Variants in PBX1 observed in about 807,000 individuals in gnomAD.
The protein encoded by PBX1 is PBX homeobox 1, also known as pre-B-cell leukemia transcription factor 1.
PBX1 carries 6 observed loss-of-function variants against 53.4 expected under a neutral mutation model. The observed-to-expected ratio is 0.11, with a 90% CI of 0.06 to 0.22. The LOEUF is 0.22. PBX1 is among the 10% of genes least tolerant of loss of function. PBX1 has a pLI of 1.00. For synonymous variants in PBX1, 204 were observed against 212.3 expected, an observed-to-expected ratio of 0.96 and a Z score of 0.34; for missense variants, 251 against 551.4, an observed-to-expected ratio of 0.46 and a Z score of 5.46.
intron 8 of PBX1, among the ~76,000 whole-genome samples, chr1:164,834,015 G>GTA (rs1271391961): frequency 3.0e-4 from 40 of 131,542 alleles, no homozygotes; most frequent in African/African-American, 9.3e-4. Flanking sequence ...CTGGATATGG[G>GTA]TATATATATG....
chr1:164,696,451 T>A (rs1018589616), intron 2 of PBX1, among the ~76,000 whole-genome samples: 1 of 152,182 alleles, frequency 6.6e-6, no homozygotes, highest in Non-Finnish European at 1.5e-5. Flanking sequence ...TGGTCACAGA[T>A]GCTGGCTTTG....
At chr1:164,801,813 A>AT (rs549205574) in intron 4 of PBX1, among the ~76,000 whole-genome samples, 192 of 152,314 alleles carry the variant, frequency 1.3e-3, no homozygotes, top group Middle Eastern at 0.01. Flanking sequence ...TTGGGGGTAT[A>AT]TTTATTACCA....
chr1:164,837,189 A>G (rs1461827994), intron 8 of PBX1, among the ~76,000 whole-genome samples: 1 of 152,178 alleles, frequency 6.6e-6, no homozygotes, highest in East Asian at 1.9e-4. Flanking sequence ...GTTCACCGTT[A>G]AGATGTGTAT....
intron 2 of PBX1, among the ~76,000 whole-genome samples, chr1:164,883,895 G>T (rs938194438): frequency 6.6e-6 from 1 of 152,160 alleles, no homozygotes; most frequent in Non-Finnish European, 1.5e-5. Context: ...CAAAAAAGAG[G>T]ACAGGTGTCT....
At chr1:164,759,299 A>G (rs923427) in intron 2 of PBX1, among the ~76,000 whole-genome samples, 52,489 of 151,746 alleles carry the variant, frequency 0.35, 9,234 homozygotes, top group Non-Finnish European at 0.39. Context: ...CATTCCAGTA[A>G]CATGCTGTGA....
At chr1:164,829,045 C>G (rs915572225) in intron 8 of PBX1, 1 of 152,104 alleles carries the variant, frequency 6.6e-6, no homozygotes, top group Non-Finnish European at 1.5e-5. Context: ...ATGCCTTATT[C>G]CACAAATGTT....
At chr1:164,813,359 T>G (rs1212865231) in intron 6 of PBX1, 1 of 152,240 alleles carries the variant, frequency 6.6e-6, no homozygotes, top group Non-Finnish European at 1.5e-5. Flanking sequence ...TAGAATTCAA[T>G]CCAGTTTTAA....
chr1:164,784,989 C>T (rs1274198446), intron 2 of PBX1, among the ~76,000 whole-genome samples: 2 of 152,170 alleles, frequency 1.3e-5, no homozygotes, highest in African/African-American at 4.8e-5. Context: ...AGTCCCACCT[C>T]GGTGTCTCTG....
intron 2 of PBX1, among the ~76,000 whole-genome samples, chr1:164,870,298 T>A (rs1041005165): frequency 1.8e-5 from 1 of 54,168 alleles, no homozygotes; most frequent in African/African-American, 8.3e-5. Flanking sequence ...TCTTTCTTTC[T>A]TTCTTTCTTT....
At chr1:164,720,103 G>A (rs1167579662) in intron 2 of PBX1, among the ~76,000 whole-genome samples, 2 of 152,184 alleles carry the variant, frequency 1.3e-5, no homozygotes, top group Non-Finnish European at 2.9e-5. Context: ...AATGCAAAAT[G>A]TCCAGCCTCA....
chr1:164,760,897 G>A (rs1435269101), intron 2 of PBX1, among the ~76,000 whole-genome samples: 1 of 152,164 alleles, frequency 6.6e-6, no homozygotes, highest in East Asian at 1.9e-4. Context: ...TTGCTCCTTA[G>A]AGTACTTGGT....
At chr1:164,823,620 G>C (rs748061643) in intron 8 of PBX1, among the ~76,000 whole-genome samples, 11 of 95,850 alleles carry the variant, frequency 1.1e-4, no homozygotes, top group Middle Eastern at 6.7e-3. Context: ...TGGGGGGTGG[G>C]GGGGGGGGTC....
At chr1:164,821,497 C>G (rs1437856384) in intron 7 of PBX1, 40 bp from the exon 8 acceptor site, 1 of 1,515,694 alleles carries the variant, frequency 6.6e-7, no homozygotes, top group South Asian at 1.1e-5. Flanking sequence ...TCCTACACCT[C>G]TCTGACTAAT....
chr1:164,706,083 A>G (rs1663410128), intron 2 of PBX1, among the ~76,000 whole-genome samples: 1 of 150,484 alleles, frequency 6.6e-6, no homozygotes, highest in Admixed American at 6.6e-5. Flanking sequence ...CTTGTGACTT[A>G]CTAAGGAGTA....
intron 2 of PBX1, among the ~76,000 whole-genome samples, chr1:164,578,815 C>A (rs935899176): frequency 1.3e-5 from 2 of 152,198 alleles, no homozygotes; most frequent in East Asian, 3.9e-4. Context: ...CAGAAATGTT[C>A]TATGTTTGAG....
In PBX1 at chr1:164,603,924, ATTTCATTTT is replaced by A. The variant is rs1251282999; in HGVS notation, c.265+40617_265+40625del. On this transcript the variant is annotated intron_variant, in intron 2 of 8. Coordinates refer to ENST00000420696, the MANE Select transcript of PBX1 (RefSeq NM_002585.4). Reference sequence around the variant, plus strand: ...TGCAAGACACTCTGTACATTATGTCATTTCATTTTTTTTTTTTTTTTTTTTTTTTTTTTT... The same window carrying A: ...TGCAAGACACTCTGTACATTATGTCATTTTTTTTTTTTTTTTTTTTTTTTT... Among the ~76,000 whole-genome samples, 551 of 78,280 alleles carry A rather than the reference ATTTCATTTT, an allele frequency of 7.0e-3. 21 individuals are homozygous for A. The highest frequency in any genetic ancestry group is 0.02 in the South Asian group (50 of 2,504). The allele number at this position is 78,280 out of a possible 152,430, so 51.4% of individuals were successfully genotyped here.
At chr1:164,678,929 T>C (rs1437068628) in intron 2 of PBX1, among the ~76,000 whole-genome samples, 2 of 152,192 alleles carry the variant, frequency 1.3e-5, no homozygotes, top group Non-Finnish European at 2.9e-5. Flanking sequence ...TTATTTTAAT[T>C]TAGATTTATC....
chr1:164,794,722 G>C (rs1229809072), intron 3 of PBX1, among the ~76,000 whole-genome samples: 1 of 152,148 alleles, frequency 6.6e-6, no homozygotes, highest in Non-Finnish European at 1.5e-5. Context: ...ACCTCTCGCT[G>C]ACCTCTTGGA....
At chr1:164,787,540 G>A (rs1668265904) in intron 2 of PBX1, 2 of 152,222 alleles carry the variant, frequency 1.3e-5, no homozygotes, top group South Asian at 2.1e-4. Context: ...ACGTCACTCA[G>A]CCAAGGACAA....
Sources: gnomAD v4.1 joint callset for allele counts (sites outside exome capture counted in the v4.1 genomes callset) on GRCh38, gnomAD v4.1.1 for gene constraint, MANE v1.5 for transcripts, NCBI Gene and HGNC (gene_info 2026-07-23, HGNC 2026-07-21) for gene names.